The following GABRG3 variants were observed in gnomAD, a reference collection of about 807,000 sequenced individuals.
GABRG3 encodes the protein gamma-aminobutyric acid type A receptor subunit gamma3, also known as gamma-aminobutyric acid receptor subunit gamma-3.
In GABRG3, 25 loss-of-function variants were observed where a neutral mutation model predicts 48.8. The observed-to-expected ratio is 0.51, with a 90% CI of 0.37 to 0.72. GABRG3 has a LOEUF of 0.72. Ranked by LOEUF, GABRG3 falls within the 30% of genes least tolerant of loss-of-function variation. The pLI, the probability that GABRG3 is intolerant of heterozygous loss-of-function variation, is 0.00. For synonymous variants in GABRG3, 227 were observed against 217.6 expected, an observed-to-expected ratio of 1.04 and a Z score of -0.38; for missense variants, 394 against 577.9, an observed-to-expected ratio of 0.68 and a Z score of 3.26.
At chr15:27,288,597 T>A (rs11858953) in intron 3 of GABRG3, among the ~76,000 whole-genome samples, 16,210 of 151,694 alleles carry the variant, frequency 0.11, 2,848 homozygotes, top group African/African-American at 0.37. Flanking sequence ...TAGGGAGCAG[T>A]TGTAATCCCA....
chr15:27,155,959 A>AT (rs1438885005), intron 3 of GABRG3, among the ~76,000 whole-genome samples: 1 of 152,046 alleles, frequency 6.6e-6, no homozygotes, highest in Non-Finnish European at 1.5e-5. Context: ...CAAGTCCACC[A>AT]TTTTATCTAT....
Position 27,461,064 on chromosome 15 carries a change from C to T in GABRG3, c.575-19586C>T, listed in dbSNP as rs147204309. 4.6e-3 allele frequency among the ~76,000 whole-genome samples: 699 copies of T among 152,268 alleles called. 4 individuals carry two copies. The highest frequency in any genetic ancestry group is 0.016 in the African/African-American group (652 of 41,560). ...ATATCTACTCTCCCACTTGTACACA[C>T]GAGATTGTTTTTGCTAAGATGAACT... On this transcript the variant is annotated intron_variant, in intron 5 of 9. Coordinates refer to ENST00000615808, the MANE Select transcript of GABRG3 (RefSeq NM_033223.5).
At chr15:27,493,827 T>C (rs1453777538) in intron 6 of GABRG3, among the ~76,000 whole-genome samples, 1 of 152,154 alleles carries the variant, frequency 6.6e-6, no homozygotes, top group Non-Finnish European at 1.5e-5. Flanking sequence ...TTGATTGGGA[T>C]GATTATTTGT....
intron 7 of GABRG3, among the ~76,000 whole-genome samples, chr15:27,526,236 G>C (rs1315889529): frequency 6.6e-6 from 1 of 152,182 alleles, no homozygotes; most frequent in Non-Finnish European, 1.5e-5. Flanking sequence ...CCCATGCTTT[G>C]AGACCCATTC....
rs1894862647 is a variant in GABRG3, at chr15:26,972,321, A to T, written c.53+733A>T. 2.0e-5 allele frequency among the ~76,000 whole-genome samples: 3 copies of T among 152,252 alleles called. No individual in the cohort carries two copies. The South Asian group carries it at 6.2e-4, about 32-fold the overall frequency. On this transcript the variant is annotated intron_variant, in intron 1 of 9. Coordinates refer to ENST00000615808, the MANE Select transcript of GABRG3 (RefSeq NM_033223.5). The stretch of plus-strand genomic sequence containing the variant: ...CCCAGTACACCAACCGGCTAATGGG[A>T]GCTTAGAATCACTCTAGAAGAGATG...
In GABRG3 at chr15:26,976,008, C is replaced by CA. The variant is rs1894935316; in HGVS notation, c.54-991dup. ...AAAGAGACTGTCTGCTCTCCAAGCC[C>CA]AAATAACTATGGTGTTGAGACGGCC... On this transcript the variant is annotated intron_variant, in intron 1 of 9. Coordinates refer to ENST00000615808, the MANE Select transcript of GABRG3 (RefSeq NM_033223.5). This position sits in a 1 kb window ranked among gnomAD's most constrained non-coding sequence, Gnocchi z 7.8. Among the ~76,000 whole-genome samples, 1 of 151,918 alleles carries CA rather than the reference C, an allele frequency of 6.6e-6. No homozygotes were observed. Among genetic ancestry groups the CA allele is most frequent in the Admixed American group, 6.6e-5 (1 of 15,246 alleles).
At chr15:27,184,673 A>G (rs1183602879) in intron 3 of GABRG3, among the ~76,000 whole-genome samples, 4 of 152,210 alleles carry the variant, frequency 2.6e-5, no homozygotes, top group African/African-American at 9.6e-5. Flanking sequence ...GAGTTCAAAC[A>G]CTTATTTTAA....
intron 5 of GABRG3, among the ~76,000 whole-genome samples, chr15:27,373,695 G>C (rs1895489063): frequency 6.6e-6 from 1 of 152,072 alleles, no homozygotes; most frequent in Non-Finnish European, 1.5e-5. Flanking sequence ...GCAACTTCTG[G>C]CGCTTACTTT....
intron 3 of GABRG3, among the ~76,000 whole-genome samples, chr15:27,167,394 A>G (rs1887412487): frequency 6.6e-6 from 1 of 152,216 alleles, no homozygotes; most frequent in South Asian, 2.1e-4. Flanking sequence ...ATGTAGAGAA[A>G]GAGCACCCAA....
intron 5 of GABRG3, among the ~76,000 whole-genome samples, chr15:27,437,127 C>T (rs1888642774): frequency 6.6e-6 from 1 of 151,498 alleles, no homozygotes; most frequent in African/African-American, 2.4e-5. Context: ...CACCAAGCAT[C>T]TTTTAAATTC....
At chr15:27,094,905 TACAC>T (rs1897246963) in intron 3 of GABRG3, among the ~76,000 whole-genome samples, 1 of 152,210 alleles carries the variant, frequency 6.6e-6, no homozygotes, top group Non-Finnish European at 1.5e-5. Context: ...ACAACAAACA[TACAC>T]ACAATTTACA....
intron 3 of GABRG3, among the ~76,000 whole-genome samples, chr15:27,314,281 C>T (rs780029688): frequency 6.6e-6 from 1 of 152,134 alleles, no homozygotes; most frequent in Non-Finnish European, 1.5e-5. Flanking sequence ...CCCAAGAAGA[C>T]ATACACACTG....
intron 3 of GABRG3, among the ~76,000 whole-genome samples, chr15:27,253,780 G>T (rs1234867748): frequency 6.6e-6 from 1 of 152,224 alleles, no homozygotes; most frequent in Non-Finnish European, 1.5e-5. Context: ...TGCCAGCCGG[G>T]TTGTCTTTTG....
intron 3 of GABRG3, among the ~76,000 whole-genome samples, chr15:27,185,275 A>G (rs913422890): frequency 6.6e-6 from 1 of 152,084 alleles, no homozygotes; most frequent in African/African-American, 2.4e-5. Context: ...TTTTCCTTTG[A>G]CATATGTTCT....
At position 27,021,607 on chromosome 15, in the gene GABRG3, C is replaced by T. The variant is rs1895896123; in HGVS notation, c.203-5147C>T. 2.6e-5 allele frequency among the ~76,000 whole-genome samples: 4 copies of T among 152,268 alleles called. No homozygotes were observed. In the South Asian group the frequency reaches 8.3e-4, roughly 32 times the overall value. Reference sequence around the variant, plus strand: ...TGGAATCCCAGCACTTTGGGAGGCCCAAGCGGGAAGGCTGTTTGAATCTGG... The same window carrying T: ...TGGAATCCCAGCACTTTGGGAGGCCTAAGCGGGAAGGCTGTTTGAATCTGG... On this transcript the variant is annotated intron_variant, in intron 2 of 9. Transcript: ENST00000615808.
At chr15:27,096,350 A>G (rs541703452) in intron 3 of GABRG3, among the ~76,000 whole-genome samples, 1 of 152,344 alleles carries the variant, frequency 6.6e-6, no homozygotes, top group South Asian at 2.1e-4. Context: ...CATCTGGTCA[A>G]CCATATGAAT....
At chr15:27,166,857 A>C (rs533429817) in intron 3 of GABRG3, among the ~76,000 whole-genome samples, 1 of 152,188 alleles carries the variant, frequency 6.6e-6, no homozygotes, top group Non-Finnish European at 1.5e-5. Context: ...TATTTTAAAG[A>C]TGATAGGATG....
At chr15:27,239,416 A>G (rs1037248167) in intron 3 of GABRG3, among the ~76,000 whole-genome samples, 10 of 152,206 alleles carry the variant, frequency 6.6e-5, no homozygotes, top group Admixed American at 2.6e-4. Flanking sequence ...AATATTCGCT[A>G]AATATTGATT....
chr15:27,462,896 T>C (rs1437574977), intron 5 of GABRG3, among the ~76,000 whole-genome samples: 1 of 152,100 alleles, frequency 6.6e-6, no homozygotes, highest in Non-Finnish European at 1.5e-5. Flanking sequence ...CCTATTTCAA[T>C]AAAAACACTA....
Sources: allele counts gnomAD v4.1 joint callset (sites outside exome capture counted in the v4.1 genomes callset), GRCh38; gene constraint gnomAD v4.1.1; non-coding constraint Gnocchi (gnomAD v3.1); transcripts MANE v1.5; gene names NCBI Gene and HGNC (gene_info 2026-07-23, HGNC 2026-07-21).